The following ARRDC5 variants were observed in gnomAD, a reference collection of about 807,000 sequenced individuals.
ARRDC5 encodes arrestin domain containing 5, also known as arrestin domain-containing protein 5.
Under a neutral mutation model 13.3 loss-of-function variants are expected in ARRDC5, and 12 were observed. The ratio of observed to expected loss-of-function variants is 0.90; its 90% CI spans 0.58 to 1.46. The LOEUF (loss-of-function observed/expected upper bound fraction) is 1.46. ARRDC5 is among the 40% of genes most tolerant of loss of function. ARRDC5 has a pLI of 0.00. For missense variants in ARRDC5, 406 were observed against 418.7 expected (o/e 0.97, Z 0.26); for synonymous variants, 181 against 173.4 (o/e 1.04, Z -0.34).
intron 1 of ARRDC5, among the ~76,000 whole-genome samples, chr19:4,900,850 T>C (rs1481358636): frequency 6.6e-6 from 1 of 152,014 alleles, no homozygotes; most frequent in African/African-American, 2.4e-5. Flanking sequence ...AGAAACTCCG[T>C]CTCTACTAAA....
chr19:4,907,061 C>T (rs1389510560), upstream of ARRDC5, among the ~76,000 whole-genome samples: 1 of 152,192 alleles, frequency 6.6e-6, no homozygotes, highest in Non-Finnish European at 1.5e-5. Context: ...AATGCAGGAG[C>T]TTCCCAAGGC....
chr19:4,902,267 T>C (rs898404372), intron 1 of ARRDC5, among the ~76,000 whole-genome samples: 4 of 152,214 alleles, frequency 2.6e-5, no homozygotes, highest in African/African-American at 9.7e-5. Flanking sequence ...GTGAAACTTA[T>C]CTGTAAAAGA....
At chr19:4,891,682 C>T (rs1391036071) in intron 2 of ARRDC5, 109 bp from the exon 3 acceptor site, 2 of 928,368 alleles carry the variant, frequency 2.2e-6, no homozygotes, top group African/African-American at 3.3e-5. Context: ...GCTGGCTGGG[C>T]ACGATAGCTC....
rs368150405 is a variant in ARRDC5, at chr19:4,891,354, G to T, written c.679C>A (p.Arg227=). The T allele has an allele frequency of 1.2e-6, 2 of 1,613,590 alleles. No homozygotes were observed. The highest frequency in any genetic ancestry group is 2.7e-5 in the African/African-American group (2 of 74,926). Residue 227 remains arginine (R), a synonymous_variant, in exon 3 of 3, where the codon CGG becomes AGG. Transcript: ENST00000650722. ...QYEGFTPSAE[R]RSRLDSSELL... The stretch of plus-strand genomic sequence containing the variant: ...TCGCTGCTGTCCAGCCGAGACCGCC[G>T]CTCTGCACTGGGCGTGAAGCCCTCG...
chr19:4,914,077 T>C, the ARRDC5 span, among the ~76,000 whole-genome samples: 2 of 151,856 alleles, frequency 1.3e-5, no homozygotes, highest in Non-Finnish European at 2.9e-5. Flanking sequence ...TCCCCCACCT[T>C]GGCCTCCCAA....
At chr19:4,896,554 T>G in intron 2 of ARRDC5, 117 bp downstream of exon 2, 1 of 738,732 alleles carries the variant, frequency 1.4e-6, no homozygotes, top group Non-Finnish European at 2.3e-6. Flanking sequence ...CCTGGGAAGC[T>G]GCCAACACCC....
upstream of ARRDC5, chr19:4,903,029 CTT>C (rs575208681): frequency 4.1e-3 from 1,825 of 442,030 alleles, no homozygotes; most frequent in East Asian, 0.012. Context: ...CTCACTGGTT[CTT>C]TTTTTTTTTT....
At chr19:4,900,896 G>A (rs887301018) in intron 1 of ARRDC5, among the ~76,000 whole-genome samples, 6 of 152,096 alleles carry the variant, frequency 3.9e-5, no homozygotes, top group African/African-American at 1.4e-4. Flanking sequence ...GCACACGCCT[G>A]TAGTGCCAGC....
At chr19:4,915,624 G>T in the ARRDC5 span, among the ~76,000 whole-genome samples, 1 of 151,950 alleles carries the variant, frequency 6.6e-6, no homozygotes, top group East Asian at 1.9e-4. Context: ...CAGGAGAATC[G>T]CTTGAACCTG....
the ARRDC5 span, among the ~76,000 whole-genome samples, chr19:4,916,391 T>A: frequency 6.6e-6 from 1 of 151,560 alleles, no homozygotes; most frequent in Non-Finnish European, 1.5e-5. Context: ...GCTGTCAACA[T>A]GGCGGAGCCG....
Position 4,891,301 on chromosome 19 carries a change from G to C in ARRDC5, c.732C>G (p.Pro244=). 2 of 1,613,912 alleles carry C rather than the reference G, an allele frequency of 1.2e-6. No homozygotes were observed. Among genetic ancestry groups the C allele is most frequent in the Non-Finnish European group, 1.7e-6 (2 of 1,179,894 alleles). Residue 244 remains proline (P), a synonymous_variant, in exon 3 of 3, where the codon CCC becomes CCG. Coordinates refer to ENST00000650722, the MANE Select transcript of ARRDC5 (RefSeq NM_001080523.3). ...SELLRQEANT[P]VTRFNTTKVV... is the part of the protein sequence containing the mutation. ...CCTTGGTGGTGTTGAAGCGGGTCAC[G>C]GGGGTGTTGGCCTCCTGCCTCAGAA...
At chr19:4,902,089 T>C (rs543165130) in intron 1 of ARRDC5, among the ~76,000 whole-genome samples, 2 of 152,154 alleles carry the variant, frequency 1.3e-5, no homozygotes, top group East Asian at 3.9e-4. Context: ...GGGGTTTCGC[T>C]ATATTGGCCA....
In ARRDC5 at chr19:4,894,380, A is replaced by G. The variant is rs973161697; in HGVS notation, c.459+2291T>C. 1.0e-4 allele frequency among the ~76,000 whole-genome samples: 15 copies of G among 149,674 alleles called. No individual in the cohort carries two copies. The East Asian group carries it at 1.2e-3, about 12-fold the overall frequency. On this transcript the variant is annotated intron_variant, in intron 2 of 2. Coordinates refer to ENST00000650722, the MANE Select transcript of ARRDC5 (RefSeq NM_001080523.3). ...CAAAAAATTAGCCGGGCGTAGTGGC[A>G]GGCGCCTGTAGTCCCAGCTACTTGG...
chr19:4,911,445 A>T, the ARRDC5 span, among the ~76,000 whole-genome samples: 1 of 152,060 alleles, frequency 6.6e-6, no homozygotes, highest in Non-Finnish European at 1.5e-5. Context: ...TCCACCACCA[A>T]TTGCTCTCAG....
chr19:4,911,241 G>A, the ARRDC5 span, among the ~76,000 whole-genome samples: 1 of 152,032 alleles, frequency 6.6e-6, no homozygotes, highest in Non-Finnish European at 1.5e-5. Flanking sequence ...AGATTGACAC[G>A]CTGGGCTGGC....
chr19:4,904,266 C>T (rs2146263695), upstream of ARRDC5, among the ~76,000 whole-genome samples: 1 of 152,266 alleles, frequency 6.6e-6, no homozygotes, highest in East Asian at 1.9e-4. Flanking sequence ...GCAAGCTCCG[C>T]CTCCCGTGTT....
the ARRDC5 span, chr19:4,910,921 G>T: frequency 3.1e-6 from 5 of 1,613,466 alleles, no homozygotes; most frequent in East Asian, 6.7e-5. Flanking sequence ...ACGGGAGGCA[G>T]ACCCACACGG....
At chr19:4,909,331 AGCCGTGGCCCACTAGGCGGAGGC>A in the ARRDC5 span, 1 of 580,112 alleles carries the variant, frequency 1.7e-6, no homozygotes. Flanking sequence ...GGCTGGGCGG[AGCCGTGGCCCACTAGGCGGAGGC>A]GCCGTGGACA....
intron 2 of ARRDC5, among the ~76,000 whole-genome samples, chr19:4,895,711 G>A (rs1395960328): frequency 6.6e-6 from 1 of 152,186 alleles, no homozygotes; most frequent in Non-Finnish European, 1.5e-5. Context: ...GGTCAGTGCT[G>A]GAGGGCCACT....
Sources: gnomAD v4.1 joint callset for allele counts (sites outside exome capture counted in the v4.1 genomes callset) on GRCh38, gnomAD v4.1.1 for gene constraint, MANE v1.5 for transcripts, NCBI Gene and HGNC (gene_info 2026-07-23, HGNC 2026-07-21) for gene names.